The following AP3M1 variants were observed in gnomAD, a reference collection of about 807,000 sequenced individuals.
The protein encoded by AP3M1 is AP-3 complex subunit mu-1.
A neutral mutation model predicts 42.6 loss-of-function variants in AP3M1; 29 were observed. That is an observed-to-expected ratio of 0.68 (90% confidence interval 0.51 to 0.93). The LOEUF (loss-of-function observed/expected upper bound fraction) is 0.93, where lower values mean the gene tolerates loss of function less well. Ranked by LOEUF, AP3M1 falls within the 40% of genes least tolerant of loss-of-function variation. The probability of loss-of-function intolerance (pLI) is 0.00; values close to 1 mark genes in which losing one functional copy is unlikely to be tolerated. For synonymous variants in AP3M1, 178 were observed against 175.3 expected, an observed-to-expected ratio of 1.02 and a Z score of -0.12; for missense variants, 416 against 510.2, an observed-to-expected ratio of 0.82 and a Z score of 1.78.
chr10:74,126,355 A>G lies in AP3M1; in HGVS notation c.804T>C (p.Asn268=), dbSNP rs774938197. ...TCACATACACTGGTATTGCCACTAGACTAAAAAGAGAAACAGAGAAAGATA... is the reference window on the plus strand; with the variant it reads ...TCACATACACTGGTATTGCCACTAGGCTAAAAAGAGAAACAGAGAAAGATA... ...RLISYRVSSQ[N]LVAIPVYVKH... is the part of the protein sequence containing the mutation. Residue 268 remains asparagine, a splice_region_variant and synonymous_variant, in exon 7 of 9, where the codon AAT becomes AAC. Transcript: ENST00000355264. 5.0e-6 allele frequency: 8 copies of G among 1,612,446 alleles called. No homozygotes were observed. Among genetic ancestry groups the G allele is most frequent in the Non-Finnish European group, 6.8e-6 (8 of 1,178,592 alleles).
intron 5 of AP3M1, 29 bp downstream of exon 5, chr10:74,129,878 G>A: frequency 6.9e-7 from 1 of 1,453,104 alleles, no homozygotes; most frequent in South Asian, 1.1e-5. Context: ...GGCATTCAAG[G>A]GGCTATAAAA....
chr10:74,129,732 C>T (rs1840719525), intron 5 of AP3M1, among the ~76,000 whole-genome samples, 175 bp downstream of exon 5: 1 of 152,198 alleles, frequency 6.6e-6, no homozygotes, highest in African/African-American at 2.4e-5. Context: ...TTAGTCTTTC[C>T]ACAAAGACCA....
At chr10:74,136,402 T>C (rs1840943979) in intron 3 of AP3M1, among the ~76,000 whole-genome samples, 1 of 152,120 alleles carries the variant, frequency 6.6e-6, no homozygotes, top group South Asian at 2.1e-4. Flanking sequence ...AATAATATTG[T>C]TGTGGTGTTT....
chr10:74,122,992 C>T lies in AP3M1; in HGVS notation c.*818G>A, dbSNP rs1032784406. 6.6e-6 allele frequency: 1 copy of T among 152,608 alleles called. No homozygotes were observed. The highest frequency in any genetic ancestry group is 2.1e-4 in the South Asian group (1 of 4,828). 9.5% of individuals were successfully genotyped at this position (152,608 alleles called of 1,614,324 possible). A position where few individuals can be genotyped will look rare whatever the true frequency, so the allele number is the denominator to read the frequency against. ...TACTACTTTAATTTGCTTAAAAGCACAAATGCTTGTGCTTGCAGTAACTTC... is the reference window on the plus strand; with the variant it reads ...TACTACTTTAATTTGCTTAAAAGCATAAATGCTTGTGCTTGCAGTAACTTC... On this transcript the variant is annotated 3_prime_UTR_variant, in exon 9 of 9. Transcript: ENST00000355264.
At chr10:74,133,442 T>C (rs1840841833) in intron 4 of AP3M1, among the ~76,000 whole-genome samples, 1 of 151,252 alleles carries the variant, frequency 6.6e-6, no homozygotes, top group South Asian at 2.1e-4. Context: ...ATGCCTGTAA[T>C]CCCAGCTACT....
chr10:74,127,598 G>A (rs191650549), intron 6 of AP3M1, among the ~76,000 whole-genome samples: 1 of 152,008 alleles, frequency 6.6e-6, no homozygotes, highest in African/African-American at 2.4e-5. Flanking sequence ...GGTAGAGGTT[G>A]CAGTGAGCCA....
At chr10:74,124,598 A>C in intron 7 of AP3M1, 74 bp from the exon 8 acceptor site, 1 of 1,323,262 alleles carries the variant, frequency 7.6e-7, no homozygotes, top group East Asian at 2.4e-5. Flanking sequence ...AAGTTCAAAG[A>C]TATCATAAAC....
rs536850333 is a variant in AP3M1, at chr10:74,138,261, G to A, written c.119C>T (p.Ala40Val). Reference sequence around the variant, plus strand: ...GACAGGTGGTACATTTTCAACATCAGCAGCTTTCTCTTGAGCTTCAAAGAA... The same window carrying A: ...GACAGGTGGTACATTTTCAACATCAACAGCTTTCTCTTGAGCTTCAAAGAA... Reference protein sequence around the residue: ...DYFFEAQEKAADVENVPPVIS... With the variant: ...DYFFEAQEKAVDVENVPPVIS... The change falls in exon 2 of 9, where the codon GCT (alanine) becomes GTT (valine). Residue 40 changes from alanine to valine, a missense_variant. Physicochemically the swap from Ala to Val is moderately conservative, Grantham distance 64. Transcript: ENST00000355264. The A allele has an allele frequency of 4.3e-6, 7 of 1,613,964 alleles. No individual in the cohort carries two copies. In the East Asian group the frequency reaches 1.1e-4, roughly 26 times the overall value.
rs1198789320 is a variant in AP3M1, at chr10:74,138,179, T to C, written c.201A>G (p.Val67=). 8 of 1,614,134 alleles carry C rather than the reference T, an allele frequency of 5.0e-6. No homozygotes were observed. Among genetic ancestry groups the C allele is most frequent in the Non-Finnish European group, 5.9e-6 (7 of 1,180,026 alleles). ...ISIYRDKLFF[V]SVIQTEVPPL... is the part of the protein sequence containing the mutation. Reference sequence around the variant, plus strand: ...GTGGCACTTCGGTCTGTATGACAGATACAAAGAAGAGCTTATCCCGGTAGA... The same window carrying C: ...GTGGCACTTCGGTCTGTATGACAGACACAAAGAAGAGCTTATCCCGGTAGA... Residue 67 remains valine (V), a synonymous_variant, in exon 2 of 9, where the codon GTA becomes GTG. Transcript: ENST00000355264.
rs2131952353 is a variant in AP3M1, at chr10:74,122,276, C to T, written c.*1534G>A. 6.6e-6 allele frequency: 1 copy of T among 152,182 alleles called. No homozygotes were observed. The highest frequency in any genetic ancestry group is 1.9e-4 in the East Asian group (1 of 5,172). 9.4% of individuals were successfully genotyped at this position (152,182 alleles called of 1,614,324 possible). A position where few individuals can be genotyped will look rare whatever the true frequency, so the allele number is the denominator to read the frequency against. The stretch of plus-strand genomic sequence containing the variant: ...TCCTTGTACCAGCACCAACCAGCAG[C>T]CCTTGACAGCATAGATGGGATGAGT... On this transcript the variant is annotated 3_prime_UTR_variant, in exon 9 of 9. Coordinates refer to ENST00000355264, the MANE Select transcript of AP3M1 (RefSeq NM_012095.6).
chr10:74,136,937 CG>C, intron 2 of AP3M1, 134 bp from the exon 3 acceptor site: 1 of 558,926 alleles, frequency 1.8e-6, no homozygotes, highest in Non-Finnish European at 2.7e-6. Context: ...TAAAACAGAG[CG>C]GGGGAAAAAA....
At chr10:74,149,031 C>T (rs1389380876) in intron 1 of AP3M1, among the ~76,000 whole-genome samples, 2 of 151,718 alleles carry the variant, frequency 1.3e-5, no homozygotes, top group African/African-American at 4.8e-5. Context: ...TGCCACCACG[C>T]CCAGATAATT....
intron 2 of AP3M1, among the ~76,000 whole-genome samples, chr10:74,137,171 C>T (rs982268093): frequency 1.1e-4 from 17 of 152,030 alleles, no homozygotes; most frequent in Non-Finnish European, 1.8e-4. Context: ...ACCCGGGAGG[C>T]GGAGGTTGCG....
intron 1 of AP3M1, among the ~76,000 whole-genome samples, chr10:74,140,859 A>T (rs960170548): frequency 9.2e-5 from 14 of 152,234 alleles, no homozygotes; most frequent in African/African-American, 2.9e-4. Flanking sequence ...GAAATTGGAT[A>T]CAAAAAGCAA....
At chr10:74,127,361 T>G (rs1409903787) in intron 6 of AP3M1, among the ~76,000 whole-genome samples, 1 of 151,652 alleles carries the variant, frequency 6.6e-6, no homozygotes, top group Non-Finnish European at 1.5e-5. Context: ...ACAATTGGGG[T>G]GGCTGGGTGC....
chr10:74,134,938 A>G (rs1273251148), intron 3 of AP3M1, among the ~76,000 whole-genome samples: 1 of 151,186 alleles, frequency 6.6e-6, no homozygotes, highest in Admixed American at 6.6e-5. Context: ...TATAATATTA[A>G]CATTTTGGTA....
chr10:74,135,594 CG>C (rs1344472857), intron 3 of AP3M1, among the ~76,000 whole-genome samples: 2 of 151,836 alleles, frequency 1.3e-5, no homozygotes, highest in Non-Finnish European at 2.9e-5. Context: ...ACTTTTTTGT[CG>C]GAGTGAATAT....
rs934914259 is a variant in AP3M1, at chr10:74,122,712, T to A, written c.*1098A>T. On this transcript the variant is annotated 3_prime_UTR_variant, in exon 9 of 9. Transcript: ENST00000355264. ...GACAATAGTTTCTGGAAGAAATCTA[T>A]GACTATAGCTTTGGGAAGCACACAA... The A allele has an allele frequency of 6.6e-6, 1 of 152,222 alleles. No individual in the cohort carries two copies. The highest frequency in any genetic ancestry group is 2.4e-5 in the African/African-American group (1 of 41,464). The allele number at this position is 152,222 out of a possible 1,614,324, so 9.4% of individuals were successfully genotyped here.
chr10:74,136,341 G>A (rs552054485), intron 3 of AP3M1, among the ~76,000 whole-genome samples: 1 of 151,714 alleles, frequency 6.6e-6, no homozygotes, highest in Non-Finnish European at 1.5e-5. Context: ...GCTTCTTTAG[G>A]AATAACTGGA....
Sources: allele counts gnomAD v4.1 joint callset (sites outside exome capture counted in the v4.1 genomes callset), GRCh38; gene constraint gnomAD v4.1.1; transcripts MANE v1.5; gene names NCBI Gene and HGNC (gene_info 2026-07-23, HGNC 2026-07-21).